Variants in SRRM4 observed in about 807,000 individuals in gnomAD.
The protein encoded by SRRM4 is serine/arginine repetitive matrix protein 4.
Under a neutral mutation model 68.9 loss-of-function variants are expected in SRRM4, and 33 were observed. The ratio of observed to expected loss-of-function variants is 0.48; its 90% CI spans 0.36 to 0.64. The LOEUF is 0.64. SRRM4 is among the 30% of genes least tolerant of loss of function. The probability of loss-of-function intolerance (pLI) is 0.00; values close to 1 mark genes in which losing one functional copy is unlikely to be tolerated. For synonymous variants in SRRM4, 318 were observed against 318.8 expected (o/e 1.00, Z 0.03); for missense variants, 817 against 827.1 (o/e 0.99, Z 0.15).
At chr12:118,998,348 G>A (rs950746766) in intron 1 of SRRM4, among the ~76,000 whole-genome samples, 1 of 147,596 alleles carries the variant, frequency 6.8e-6, no homozygotes, top group Non-Finnish European at 1.5e-5. Context: ...GTGGTCTGGA[G>A]CACTGTATTG....
Position 119,150,411 on chromosome 12 carries a change from G to A in SRRM4, c.1077-606G>A, listed in dbSNP as rs1954430981. Reference sequence around the variant, plus strand: ...TGCTTGACCCCTGAAGGCAGAGGTTGCAGTCAGCCACTGCACTACAGCCTG... The same window carrying A: ...TGCTTGACCCCTGAAGGCAGAGGTTACAGTCAGCCACTGCACTACAGCCTG... On this transcript the variant is annotated intron_variant, in intron 9 of 12. Coordinates refer to ENST00000267260, the MANE Select transcript of SRRM4 (RefSeq NM_194286.4). 2.6e-5 allele frequency among the ~76,000 whole-genome samples: 4 copies of A among 152,274 alleles called. No individual in the cohort carries two copies. The South Asian group carries it at 8.3e-4, about 32-fold the overall frequency.
At chr12:119,072,625 A>G (rs962774065) in intron 1 of SRRM4, among the ~76,000 whole-genome samples, 6 of 29,834 alleles carry the variant, frequency 2.0e-4, no homozygotes, top group African/African-American at 5.5e-4. Flanking sequence ...TTACCCGCAG[A>G]TTGAACAGAG....
intron 2 of SRRM4, among the ~76,000 whole-genome samples, chr12:119,104,197 C>T (rs1022983180): frequency 6.6e-6 from 1 of 152,010 alleles, no homozygotes; most frequent in East Asian, 1.9e-4. Context: ...TAGGCATGTA[C>T]AGATTGTGGC....
intron 1 of SRRM4, among the ~76,000 whole-genome samples, chr12:119,085,666 C>G (rs1953975570): frequency 6.6e-6 from 1 of 152,210 alleles, no homozygotes; most frequent in African/African-American, 2.4e-5. Context: ...ATGATCCAAT[C>G]TGCATTTTGG....
chr12:118,989,048 A>G (rs1953299961), intron 1 of SRRM4, among the ~76,000 whole-genome samples: 1 of 152,150 alleles, frequency 6.6e-6, no homozygotes. Context: ...GAGTGACAGA[A>G]GATGATTCCC....
chr12:119,131,663 G>A (rs974556801), intron 8 of SRRM4, among the ~76,000 whole-genome samples: 1 of 152,164 alleles, frequency 6.6e-6, no homozygotes, highest in Non-Finnish European at 1.5e-5. Flanking sequence ...GTGGCTTTGG[G>A]CAAATTACTT....
chr12:119,139,321 C>T (rs187061678), intron 8 of SRRM4, among the ~76,000 whole-genome samples: 59 of 152,284 alleles, frequency 3.9e-4, no homozygotes, highest in Non-Finnish European at 6.8e-4. Context: ...TGCACTTCCA[C>T]GGTCAGACCT....
intron 1 of SRRM4, among the ~76,000 whole-genome samples, chr12:119,098,922 A>G (rs1423176314): frequency 6.6e-6 from 1 of 151,998 alleles, no homozygotes; most frequent in African/African-American, 2.4e-5. Flanking sequence ...TATTGCAACC[A>G]TTTCCCCATC....
chr12:119,125,349 T>A (rs776110098), intron 6 of SRRM4, 32 bp from the exon 7 acceptor site: 39 of 1,582,770 alleles, frequency 2.5e-5, no homozygotes, highest in Non-Finnish European at 3.1e-5. Flanking sequence ...CTCTCTCCTC[T>A]CCTCTGACTC....
chr12:119,097,232 G>A (rs1444039662), intron 1 of SRRM4, among the ~76,000 whole-genome samples: 3 of 152,240 alleles, frequency 2.0e-5, no homozygotes, highest in Non-Finnish European at 2.9e-5. Flanking sequence ...TGCAAGGCTG[G>A]AGGTAGGGAA....
chr12:119,144,369 A>G (rs946471587), intron 8 of SRRM4, among the ~76,000 whole-genome samples: 1 of 152,108 alleles, frequency 6.6e-6, no homozygotes, highest in Non-Finnish European at 1.5e-5. Flanking sequence ...CCAAAACAGA[A>G]TTGATGCCCC....
chr12:119,028,751 C>T (rs1953566773), intron 1 of SRRM4, among the ~76,000 whole-genome samples: 1 of 152,170 alleles, frequency 6.6e-6, no homozygotes, highest in East Asian at 1.9e-4. Context: ...TATAAATGCA[C>T]CACAAATTCG....
In SRRM4 at chr12:118,986,849, G is replaced by A. The variant is rs115523595; in HGVS notation, c.131+4836G>A. Among the ~76,000 whole-genome samples, 601 of 152,054 alleles carry A rather than the reference G, an allele frequency of 4.0e-3. 3 individuals are homozygous for A. The highest frequency in any genetic ancestry group is 0.014 in the African/African-American group (564 of 41,468). On this transcript the variant is annotated intron_variant, in intron 1 of 12. Transcript: ENST00000267260. ...ATAGGGAAGGAAGCCTGGGTCACAT[G>A]CCTTCTTCTCCATGAACTCTTCAGG...
chr12:119,145,566 C>T lies in SRRM4; in HGVS notation c.957C>T (p.Ser319=). Residue 319 remains serine (S), a synonymous_variant, in exon 9 of 13, where the codon AGC becomes AGT. Coordinates refer to ENST00000267260, the MANE Select transcript of SRRM4 (RefSeq NM_194286.4). ...GCCCCAGTGGGGGCTTGAGCAAGAG[C>T]CGGGAGCTCAACAGTGGCAACACCT... is the stretch of plus-strand genomic sequence containing the variant. ...KGSPSGGLSK[S]RELNSGNTSD... The T allele has an allele frequency of 1.2e-6, 2 of 1,604,290 alleles. No homozygotes were observed. The highest frequency in any genetic ancestry group is 2.7e-5 in the African/African-American group (2 of 74,700).
intron 1 of SRRM4, among the ~76,000 whole-genome samples, chr12:119,004,570 A>G (rs1373996913): frequency 1.3e-5 from 2 of 151,956 alleles, no homozygotes; most frequent in Non-Finnish European, 2.9e-5. Flanking sequence ...TCACAGATGG[A>G]TTGAGAGAAC....
At chr12:119,019,529 C>G (rs565767471) in intron 1 of SRRM4, among the ~76,000 whole-genome samples, 1 of 152,292 alleles carries the variant, frequency 6.6e-6, no homozygotes, top group Admixed American at 6.5e-5. Flanking sequence ...CCTGACACCT[C>G]AGACAACAGC....
At chr12:119,088,593 G>A (rs1953993897) in intron 1 of SRRM4, among the ~76,000 whole-genome samples, 1 of 151,564 alleles carries the variant, frequency 6.6e-6, no homozygotes, top group African/African-American at 2.4e-5. Context: ...TTTGCCCAAG[G>A]CCACCAGTGA....
intron 1 of SRRM4, among the ~76,000 whole-genome samples, chr12:119,065,117 C>T (rs1953837530): frequency 6.6e-6 from 1 of 152,112 alleles, no homozygotes; most frequent in South Asian, 2.1e-4. Flanking sequence ...AATTGAGGCT[C>T]ACAGAAGTAG....
In SRRM4 at chr12:119,154,460, C is replaced by T; in HGVS notation, c.1532+77C>T. ...TTCTTACTCATTCGAGCCTCAGGCT[C>T]TCCCTAGGCCTCCTTGGGGCTGGGA... On this transcript the variant is annotated intron_variant, in intron 12 of 12. Coordinates refer to ENST00000267260, the MANE Select transcript of SRRM4 (RefSeq NM_194286.4). This position sits in a 1 kb window ranked among gnomAD's most constrained non-coding sequence, Gnocchi z 4.7. 2.0e-6 allele frequency: 3 copies of T among 1,508,050 alleles called. No individual in the cohort carries two copies. Among genetic ancestry groups the T allele is most frequent in the Non-Finnish European group, 2.7e-6 (3 of 1,104,806 alleles). The allele number at this position is 1,508,050 out of a possible 1,614,324, so 93.4% of individuals were successfully genotyped here.
Sources: gnomAD v4.1 joint callset for allele counts (sites outside exome capture counted in the v4.1 genomes callset) on GRCh38, gnomAD v4.1.1 for gene constraint, Gnocchi (gnomAD v3.1) non-coding constraint, MANE v1.5 for transcripts, NCBI Gene and HGNC (gene_info 2026-07-23, HGNC 2026-07-21) for gene names.